Variants in CNTN5 observed in about 807,000 individuals in gnomAD.
CNTN5 encodes contactin-5.
A neutral mutation model predicts 129.1 loss-of-function variants in CNTN5; 77 were observed. The ratio of observed to expected loss-of-function variants is 0.60; its 90% confidence interval spans 0.50 to 0.72. The LOEUF is 0.72. Among genes scored for constraint, CNTN5 ranks in the 30% least tolerant of loss-of-function variants. CNTN5 has a pLI of 0.00. For synonymous variants in CNTN5, 509 were observed against 465.6 expected (o/e 1.09, Z -1.20); for missense variants, 1,478 against 1,328.8 (o/e 1.11, Z -1.75).
chr11:99,844,204 T>TTA (rs1269589347), intron 4 of CNTN5, among the ~76,000 whole-genome samples: 4 of 152,230 alleles, frequency 2.6e-5, no homozygotes, highest in African/African-American at 9.6e-5. Context: ...CCACTTCCTT[T>TTA]TATGCCTTTT....
intron 4 of CNTN5, among the ~76,000 whole-genome samples, chr11:99,842,142 A>C (rs553562907): frequency 2.8e-4 from 42 of 151,880 alleles, no homozygotes; most frequent in African/African-American, 9.9e-4. Context: ...TGATGCACCC[A>C]CCTCAGCCTC....
At chr11:99,878,141 T>G (rs959760304) in intron 6 of CNTN5, among the ~76,000 whole-genome samples, 3 of 152,230 alleles carry the variant, frequency 2.0e-5, no homozygotes, top group Admixed American at 1.3e-4. Flanking sequence ...AGATTATTTC[T>G]TTTAACCTTC....
chr11:99,858,430 A>G (rs1335005062), intron 6 of CNTN5, among the ~76,000 whole-genome samples: 2 of 152,044 alleles, frequency 1.3e-5, no homozygotes, highest in African/African-American at 4.8e-5. Context: ...TGGAACTAGG[A>G]TGTTTATTAA....
chr11:99,541,617 A>T (rs1475529705), intron 2 of CNTN5, among the ~76,000 whole-genome samples: 1 of 152,164 alleles, frequency 6.6e-6, no homozygotes, highest in Non-Finnish European at 1.5e-5. Flanking sequence ...TGATGTGATG[A>T]ATTCTGGGTC....
chr11:100,266,085 G>T (rs545944653), intron 17 of CNTN5, among the ~76,000 whole-genome samples: 110 of 152,096 alleles, frequency 7.2e-4, no homozygotes, highest in African/African-American at 1.9e-3. Context: ...AGATTTATTT[G>T]GTATTTTATT....
intron 1 of CNTN5, among the ~76,000 whole-genome samples, chr11:99,022,856 T>A (rs1206430007): frequency 6.6e-6 from 1 of 152,198 alleles, no homozygotes; most frequent in African/African-American, 2.4e-5. Flanking sequence ...TGGTGTATCC[T>A]TTAAATTATT....
intron 6 of CNTN5, among the ~76,000 whole-genome samples, chr11:99,909,061 C>T (rs186652765): frequency 6.6e-6 from 1 of 152,164 alleles, no homozygotes; most frequent in East Asian, 1.9e-4. Flanking sequence ...CCAGCTGAAT[C>T]TTAATTCAAT....
chr11:99,818,039 G>A (rs933255400), intron 3 of CNTN5, among the ~76,000 whole-genome samples: 2 of 152,058 alleles, frequency 1.3e-5, no homozygotes, highest in Non-Finnish European at 2.9e-5. Context: ...TCACAGAACA[G>A]AAAATATTAA....
intron 13 of CNTN5, among the ~76,000 whole-genome samples, chr11:100,149,007 G>T (rs1391292139): frequency 6.6e-6 from 1 of 152,144 alleles, no homozygotes; most frequent in East Asian, 1.9e-4. Context: ...CAAGAGGACT[G>T]CTGAGCACTT....
intron 1 of CNTN5, among the ~76,000 whole-genome samples, chr11:99,213,338 A>G (rs906301082): frequency 5.0e-5 from 7 of 138,964 alleles, no homozygotes; most frequent in African/African-American, 1.8e-4. Context: ...ATATATACAT[A>G]TATAAAATAT....
chr11:99,314,070 G>A (rs2135978080), intron 1 of CNTN5, among the ~76,000 whole-genome samples: 1 of 152,042 alleles, frequency 6.6e-6, no homozygotes, highest in South Asian at 2.1e-4. Flanking sequence ...GACATGTGAA[G>A]CTGTTTAGAC....
intron 8 of CNTN5, among the ~76,000 whole-genome samples, chr11:99,984,709 C>A (rs938135420): frequency 1.3e-5 from 2 of 152,066 alleles, no homozygotes; most frequent in Non-Finnish European, 2.9e-5. Context: ...GCTCATAATA[C>A]ATTTAGAATA....
intron 2 of CNTN5, among the ~76,000 whole-genome samples, chr11:99,554,327 C>A (rs550729288): frequency 1.1e-3 from 168 of 152,148 alleles, no homozygotes; most frequent in Non-Finnish European, 2.1e-3. Context: ...AAAATAAGTT[C>A]TTTATCTAAG....
intron 2 of CNTN5, among the ~76,000 whole-genome samples, chr11:99,387,874 A>C (rs1941008666): frequency 6.6e-6 from 1 of 152,182 alleles, no homozygotes; most frequent in South Asian, 2.1e-4. Context: ...CATTGGAATC[A>C]GTTACAGAGG....
chr11:99,951,371 G>C (rs1210472122), intron 7 of CNTN5, among the ~76,000 whole-genome samples: 1 of 151,416 alleles, frequency 6.6e-6, no homozygotes, highest in Non-Finnish European at 1.5e-5. Context: ...ACTGTGCTTT[G>C]CATATTTCAC....
chr11:99,177,309 C>T (rs751751566), intron 1 of CNTN5, among the ~76,000 whole-genome samples: 2 of 152,144 alleles, frequency 1.3e-5, no homozygotes, highest in African/African-American at 2.4e-5. Context: ...TTTTGTCCCT[C>T]TCCACTATAT....
At chr11:99,031,646 A>C (rs1294000247) in intron 1 of CNTN5, among the ~76,000 whole-genome samples, 1 of 152,024 alleles carries the variant, frequency 6.6e-6, no homozygotes, top group Non-Finnish European at 1.5e-5. Context: ...AAAAAAACCA[A>C]ACAAACCTGG....
chr11:99,943,058 G>A (rs1433638725), intron 7 of CNTN5, among the ~76,000 whole-genome samples: 1 of 151,958 alleles, frequency 6.6e-6, no homozygotes, highest in Non-Finnish European at 1.5e-5. Flanking sequence ...TCCAGTAATG[G>A]GATTGCTGGG....
intron 13 of CNTN5, among the ~76,000 whole-genome samples, chr11:100,152,101 C>T: frequency 6.6e-6 from 1 of 152,140 alleles, no homozygotes; most frequent in Non-Finnish European, 1.5e-5. Context: ...GTGAAATCGT[C>T]AACCAGACTT....
Sources: gnomAD v4.1 joint callset for allele counts (sites outside exome capture counted in the v4.1 genomes callset) on GRCh38, gnomAD v4.1.1 for gene constraint, MANE v1.5 for transcripts, NCBI Gene and HGNC (gene_info 2026-07-23, HGNC 2026-07-21) for gene names.